The following A2ML1 variants were observed in gnomAD, a reference collection of about 807,000 sequenced individuals.
A2ML1 encodes the protein alpha-2-macroglobulin-like protein 1.
A neutral mutation model predicts 181.9 loss-of-function variants in A2ML1; 161 were observed. That is an observed-to-expected ratio of 0.89 (90% CI 0.78 to 1.01). The LOEUF (loss-of-function observed/expected upper bound fraction) is 1.01. A2ML1 is among the 50% of genes least tolerant of loss of function. The pLI is 0.00. For missense variants in A2ML1, 1,670 were observed against 1,768.1 expected (o/e 0.94, Z 1.00); for synonymous variants, 663 against 666.8 (o/e 0.99, Z 0.09).
rs1329032283 is a variant in A2ML1, at chr12:8,858,121, G to A, written c.3264+19G>A. The A allele has an allele frequency of 1.2e-6, 2 of 1,609,264 alleles. No homozygotes were observed. Among genetic ancestry groups the A allele is most frequent in the Non-Finnish European group, 1.7e-6 (2 of 1,177,190 alleles). On this transcript the variant is annotated intron_variant, in intron 26 of 35. Transcript: ENST00000299698. ...TATGAAGGTGCGGATCTGTCCAGGA[G>A]CCTGCAGCCAACCACTGTCTCGAAG...
At chr12:8,884,730 T>C (rs1565501588) in intron 7 of A2ML1, among the ~76,000 whole-genome samples, 1 of 152,200 alleles carries the variant, frequency 6.6e-6, no homozygotes, top group East Asian at 1.9e-4. Flanking sequence ...TTTTTGTATT[T>C]TTAGTAGAGA....
At chr12:8,832,874 C>T (rs1943160810) in intron 4 of A2ML1, among the ~76,000 whole-genome samples, 1 of 152,052 alleles carries the variant, frequency 6.6e-6, no homozygotes, top group South Asian at 2.1e-4. Flanking sequence ...ATTTAATCCC[C>T]AAACAAGTAA....
intron 26 of A2ML1, among the ~76,000 whole-genome samples, chr12:8,860,116 C>T (rs1944203754): frequency 6.6e-6 from 1 of 152,156 alleles, no homozygotes; most frequent in Non-Finnish European, 1.5e-5. Context: ...TCATGGCTCA[C>T]TGCAGCCTTG....
chr12:8,861,102 T>G, intron 27 of A2ML1, 33 bp from the exon 28 acceptor site: 2 of 1,612,662 alleles, frequency 1.2e-6, no homozygotes, highest in Non-Finnish European at 1.7e-6. Context: ...AAGGAATGCC[T>G]TATAAGTTAT....
At chr12:8,833,313 C>T (rs1340670364) in intron 4 of A2ML1, among the ~76,000 whole-genome samples, 1 of 152,064 alleles carries the variant, frequency 6.6e-6, no homozygotes, top group Non-Finnish European at 1.5e-5. Context: ...TATTTTCTTC[C>T]AGAGCCTATT....
chr12:8,867,932 G>C lies in A2ML1; in HGVS notation c.3808G>C (p.Glu1270Gln). 1 of 1,614,204 alleles carries C rather than the reference G, an allele frequency of 6.2e-7. No individual in the cohort carries two copies. The highest frequency in any genetic ancestry group is 1.1e-5 in the South Asian group (1 of 91,086). Reference protein sequence around the residue: ...EEINLVVKSTENFQRTFNIQS... With the variant: ...EEINLVVKSTQNFQRTFNIQS... ...GATCAACCTGGTTGTAAAATCCACT[G>C]AGAATTTCCAGCGCACATTCAACAT... is the stretch of plus-strand genomic sequence containing the variant. The change falls in exon 30 of 36, where the codon GAG becomes CAG. Residue 1270 changes from glutamate to glutamine, a missense_variant. Glu to Gln is a conservative substitution (Grantham distance 29). Coordinates refer to ENST00000299698, the MANE Select transcript of A2ML1 (RefSeq NM_144670.6).
At chr12:8,837,656 C>T (rs140452659) in intron 8 of A2ML1, 90 bp downstream of exon 8, 233 of 1,384,886 alleles carry the variant, frequency 1.7e-4, no homozygotes, top group Non-Finnish European at 9.7e-5. Context: ...CCGAGATGGG[C>T]GGATCACGAG....
At chr12:8,853,990 A>C (rs1943976273) in intron 20 of A2ML1, 138 bp from the exon 21 acceptor site, 1 of 1,152,932 alleles carries the variant, frequency 8.7e-7, no homozygotes. Context: ...TATGGGCCCC[A>C]CCCCAGGTCT....
At chr12:8,861,327 A>C (rs1944256926) in intron 28 of A2ML1, 30 bp downstream of exon 28, 3 of 1,611,004 alleles carry the variant, frequency 1.9e-6, no homozygotes, top group Middle Eastern at 1.7e-4. Flanking sequence ...AGTTCTTTGA[A>C]ATTGTGAACA....
In A2ML1 at chr12:8,857,345, G is replaced by A. The variant is rs1240136028; in HGVS notation, c.3025+5G>A. On this transcript the variant is annotated splice_donor_5th_base_variant and intron_variant, in intron 24 of 35. Coordinates refer to ENST00000299698, the MANE Select transcript of A2ML1 (RefSeq NM_144670.6). ...CAGTGGGTTTCCTGGAAATAGGTAA[G>A]TTGGTTCAGTCTTTCTTTCTTGAAC... is the stretch of plus-strand genomic sequence containing the variant. 6.2e-7 allele frequency: 1 copy of A among 1,613,952 alleles called. No individual in the cohort carries two copies. Among genetic ancestry groups the A allele is most frequent in the East Asian group, 2.2e-5 (1 of 44,890 alleles).
At chr12:8,836,380 C>CAT in intron 7 of A2ML1, 41 bp downstream of exon 7, 1 of 1,534,920 alleles carries the variant, frequency 6.5e-7, no homozygotes, top group Non-Finnish European at 9.0e-7. Flanking sequence ...ATTAAAGATG[C>CAT]ATCGAGAGAC....
intron 4 of A2ML1, 41 bp downstream of exon 4, chr12:8,829,820 G>A (rs768808891): frequency 6.2e-7 from 1 of 1,611,972 alleles, no homozygotes; most frequent in Non-Finnish European, 8.5e-7. Flanking sequence ...AGGGAGAACA[G>A]GGAAAAGGAT....
Position 8,835,590 on chromosome 12 carries a change from A to G in A2ML1, c.567A>G (p.Pro189=). Residue 189 remains proline, a synonymous_variant, in exon 6 of 36, where the codon CCA becomes CCG. Transcript: ENST00000299698. ...GIVDLSFQLA[P]EAMLGTYTVA... ...TAGACCTGTCCTTCCAACTGGCACC[A>G]GAGGCAATGCTGGGCACCTACACTG... 1 of 1,614,232 alleles carries G rather than the reference A, an allele frequency of 6.2e-7. No individual in the cohort carries two copies.
At chr12:8,853,338 A>T (rs1424433188) in intron 20 of A2ML1, among the ~76,000 whole-genome samples, 1 of 152,246 alleles carries the variant, frequency 6.6e-6, no homozygotes, top group Admixed American at 6.5e-5. Flanking sequence ...AGTCACTCAT[A>T]GATTAAATCC....
chr12:8,868,380 T>C, intron 31 of A2ML1, 23 bp downstream of exon 31: 1 of 1,608,998 alleles, frequency 6.2e-7, no homozygotes, highest in Non-Finnish European at 8.5e-7. Context: ...GGGGTGCTGG[T>C]GGCCGGCAGA....
downstream of A2ML1, among the ~76,000 whole-genome samples, chr12:8,877,926 A>C (rs980116760): frequency 6.6e-6 from 1 of 152,210 alleles, no homozygotes; most frequent in Non-Finnish European, 1.5e-5. Context: ...AAGACATGGA[A>C]TCAGCCTAGA....
chr12:8,831,610 C>T (rs1943113871), intron 4 of A2ML1, among the ~76,000 whole-genome samples: 1 of 152,170 alleles, frequency 6.6e-6, no homozygotes, highest in African/African-American at 2.4e-5. Context: ...GCTGCTTAGA[C>T]AGGGTTGATT....
intron 33 of A2ML1, among the ~76,000 whole-genome samples, chr12:8,870,620 C>T (rs961077436): frequency 2.6e-5 from 4 of 152,152 alleles, no homozygotes; most frequent in African/African-American, 7.2e-5. Flanking sequence ...CTGGCACTAC[C>T]CTGTAATCAT....
downstream of A2ML1, among the ~76,000 whole-genome samples, chr12:8,881,504 T>C (rs761343802): frequency 6.6e-6 from 1 of 152,332 alleles, no homozygotes; most frequent in African/African-American, 2.4e-5. Context: ...TCTCCTGATA[T>C]GGGAGAGGGG....
Sources: gnomAD v4.1 joint callset for allele counts (sites outside exome capture counted in the v4.1 genomes callset) on GRCh38, gnomAD v4.1.1 for gene constraint, MANE v1.5 for transcripts, NCBI Gene and HGNC (gene_info 2026-07-23, HGNC 2026-07-21) for gene names.